HTR2C: variants seen among roughly 807,000 people sequenced by gnomAD.
HTR2C encodes the protein 5-hydroxytryptamine receptor 2C.
HTR2C carries 5 observed loss-of-function variants against 21.0 expected under a neutral mutation model. The observed-to-expected ratio is 0.24, with a 90% CI of 0.12 to 0.50. The LOEUF is 0.50. HTR2C is among the 20% of genes least tolerant of loss of function. HTR2C has a pLI of 0.98. For missense variants in HTR2C, 271 were observed against 371.2 expected (o/e 0.73, Z 2.22); for synonymous variants, 150 against 145.3 (o/e 1.03, Z -0.23).
chrX:114,758,585 T>C (rs1477247111), intron 4 of HTR2C, among the ~76,000 whole-genome samples: 1 of 111,300 alleles, frequency 9.0e-6, no homozygotes, highest in Non-Finnish European at 1.9e-5. Context: ...TGTTTTGTTA[T>C]CTATTAGGCC....
At chrX:114,861,140 C>T (rs2071003349) in intron 5 of HTR2C, among the ~76,000 whole-genome samples, 1 of 111,182 alleles carries the variant, frequency 9.0e-6, no homozygotes, top group Non-Finnish European at 1.9e-5. Flanking sequence ...GATCTCTAGA[C>T]TTGTTCAGCC....
chrX:114,759,288 T>C (rs782028366), intron 4 of HTR2C, among the ~76,000 whole-genome samples: 5 of 111,069 alleles, frequency 4.5e-5, no homozygotes, highest in African/African-American at 6.5e-5. Flanking sequence ...TTCAGCAGCT[T>C]CCATTTGATT....
intron 4 of HTR2C, among the ~76,000 whole-genome samples, chrX:114,833,802 A>G (rs1204363572): frequency 6.3e-5 from 7 of 110,324 alleles, no homozygotes; most frequent in Admixed American, 4.8e-4. Flanking sequence ...TAGGGTGTCA[A>G]TTTTGGATCT....
At chrX:114,836,318 T>C (rs1215383026) in intron 4 of HTR2C, among the ~76,000 whole-genome samples, 2 of 112,071 alleles carry the variant, frequency 1.8e-5, no homozygotes, top group Non-Finnish European at 3.8e-5. Flanking sequence ...GCTGCCGCCT[T>C]GCAGTTTGAT....
intron 4 of HTR2C, among the ~76,000 whole-genome samples, chrX:114,836,642 G>A (rs1602860528): frequency 8.9e-6 from 1 of 112,235 alleles, no homozygotes; most frequent in East Asian, 2.8e-4. Context: ...TACCTCAGAT[G>A]GAAATGCAGA....
intron 4 of HTR2C, among the ~76,000 whole-genome samples, chrX:114,731,969 C>G (rs1269996158): frequency 9.0e-6 from 1 of 111,284 alleles, no homozygotes; most frequent in Non-Finnish European, 1.9e-5. Flanking sequence ...ATCTCTGATA[C>G]AAAGAAGGAA....
At chrX:114,809,168 G>A (rs1262020848) in intron 4 of HTR2C, among the ~76,000 whole-genome samples, 1 of 110,930 alleles carries the variant, frequency 9.0e-6, no homozygotes, top group African/African-American at 3.3e-5. Context: ...GAATCTACCT[G>A]GTGCTCTAGT....
chrX:114,628,404 A>AG (rs1929468089), intron 2 of HTR2C, among the ~76,000 whole-genome samples: 1 of 22,030 alleles, frequency 4.5e-5, no homozygotes, highest in Non-Finnish European at 8.1e-5. Context: ...ATGCCAGGCT[A>AG]ATTTTTTTTT....
rs782576191 is a variant in HTR2C at position 114,670,956 on chromosome X, A to G, written c.-79-55902A>G. 3.6e-5 allele frequency among the ~76,000 whole-genome samples: 4 copies of G among 112,410 alleles called. No individual in the cohort carries two copies. In the Admixed American group the frequency reaches 3.8e-4, roughly 11 times the overall value. ...CTTAAAGTTCATTCGTATTTAAGTTACTGGCTATTGTCACTGAATTATCTA... is the reference window on the plus strand; with the variant it reads ...CTTAAAGTTCATTCGTATTTAAGTTGCTGGCTATTGTCACTGAATTATCTA... On this transcript the variant is annotated intron_variant, in intron 2 of 5. Coordinates refer to ENST00000276198, the MANE Select transcript of HTR2C (RefSeq NM_000868.4).
intron 2 of HTR2C, among the ~76,000 whole-genome samples, chrX:114,692,447 C>T (rs1421296095): frequency 5.4e-5 from 6 of 111,093 alleles, no homozygotes; most frequent in African/African-American, 1.6e-4. Context: ...GTAGCTTTAC[C>T]TTATAACATA....
chrX:114,748,164 T>C (rs1222263693), intron 4 of HTR2C, among the ~76,000 whole-genome samples: 1 of 112,022 alleles, frequency 8.9e-6, no homozygotes, highest in Non-Finnish European at 1.9e-5. Context: ...GTACCATTTA[T>C]AATATCATAA....
intron 1 of HTR2C, among the ~76,000 whole-genome samples, chrX:114,597,435 A>T (rs1360273994): frequency 9.0e-6 from 1 of 111,160 alleles, no homozygotes; most frequent in African/African-American, 3.3e-5. Context: ...AAATGAAGAC[A>T]TTATATAGTG....
intron 4 of HTR2C, among the ~76,000 whole-genome samples, chrX:114,746,777 A>G (rs868957586): frequency 7.5e-4 from 83 of 110,206 alleles, no homozygotes; most frequent in African/African-American, 2.7e-3. Context: ...CGAGGTGAGG[A>G]GATTGAGACC....
intron 2 of HTR2C, among the ~76,000 whole-genome samples, chrX:114,714,463 A>C: frequency 8.9e-6 from 1 of 112,157 alleles, no homozygotes; most frequent in Admixed American, 9.5e-5. Flanking sequence ...TTAAGGATTC[A>C]TTTAAGGAAG....
chrX:114,724,458 A>T (rs1348783210), intron 2 of HTR2C, among the ~76,000 whole-genome samples: 2 of 98,829 alleles, frequency 2.0e-5, no homozygotes, highest in Admixed American at 1.2e-4. Flanking sequence ...ATGGGTCTTG[A>T]CTCTTTATCC....
intron 5 of HTR2C, among the ~76,000 whole-genome samples, chrX:114,879,505 C>T (rs1189030595): frequency 9.1e-6 from 1 of 109,773 alleles, no homozygotes; most frequent in Non-Finnish European, 1.9e-5. Context: ...TATTTGGTTA[C>T]ATGAGTAAGT....
At chrX:114,694,492 T>TATACACACAC (rs1932213042) in intron 2 of HTR2C, among the ~76,000 whole-genome samples, 2 of 16,937 alleles carry the variant, frequency 1.2e-4, no homozygotes, top group African/African-American at 3.3e-4. Flanking sequence ...TATATATATA[T>TATACACACAC]ACACACACAG....
chrX:114,620,379 C>G (rs1369375119), intron 2 of HTR2C, among the ~76,000 whole-genome samples: 1 of 111,781 alleles, frequency 8.9e-6, no homozygotes, highest in African/African-American at 3.2e-5. Context: ...CACTGCTATG[C>G]TTTATTAAAT....
chrX:114,633,947 T>TATATATATATATATATAG (rs201763901), intron 2 of HTR2C, among the ~76,000 whole-genome samples: 1 of 92,195 alleles, frequency 1.1e-5, no homozygotes, highest in African/African-American at 3.9e-5. Context: ...TATATATATA[T>TATATATATATATATATAG]AGAGAGAGAG....
Sources: gnomAD v4.1 joint callset for allele counts (sites outside exome capture counted in the v4.1 genomes callset) on GRCh38, gnomAD v4.1.1 for gene constraint, MANE v1.5 for transcripts, NCBI Gene and HGNC (gene_info 2026-07-23, HGNC 2026-07-21) for gene names.